Variants in GEMIN4 observed in about 807,000 individuals in gnomAD.
GEMIN4 encodes gem nuclear organelle associated protein 4, also known as gem-associated protein 4.
A neutral mutation model predicts 76.8 loss-of-function variants in GEMIN4; 59 were observed. The ratio of observed to expected loss-of-function variants is 0.77; its 90% confidence interval spans 0.62 to 0.95. The LOEUF (loss-of-function observed/expected upper bound fraction) is 0.95, where lower values mean the gene tolerates loss of function less well. Ranked by LOEUF, GEMIN4 falls within the 40% of genes least tolerant of loss-of-function variation. The pLI is 0.00. For synonymous variants in GEMIN4, 562 were observed against 559.7 expected (o/e 1.00, Z -0.06); for missense variants, 1,311 against 1,318.9 (o/e 0.99, Z 0.09).
intron 1 of GEMIN4, 162 bp downstream of exon 1, chr17:751,971 C>A (rs1373023094): frequency 6.7e-6 from 3 of 445,560 alleles, no homozygotes; most frequent in Non-Finnish European, 1.1e-5. Flanking sequence ...GGACCACCCC[C>A]CGCCAAGGCC....
At chr17:752,060 A>C in intron 1 of GEMIN4, 73 bp downstream of exon 1, 1 of 1,036,382 alleles carries the variant, frequency 9.6e-7, no homozygotes, top group South Asian at 4.9e-5. Flanking sequence ...ACAGGAGGAG[A>C]CGCGACGGGG....
chr17:747,815 C>G lies in GEMIN4; in HGVS notation c.228G>C (p.Lys76Asn), dbSNP rs746898886. The G allele has an allele frequency of 6.2e-7, 1 of 1,613,502 alleles. No homozygotes were observed. Among genetic ancestry groups the G allele is most frequent in the South Asian group, 1.1e-5 (1 of 91,046 alleles). Residue 76 changes from lysine (K) to asparagine (N), a missense_variant, in exon 2 of 2, where the codon AAG becomes AAC. Transcript: ENST00000319004. ...KKKALIIIWA[K>N]VLQPHPVTPS... ...GGGTCACGGGGTGCGGCTGCAGAAC[C>G]TTGGCCCAGATGATGATCAGGGCTT... is the stretch of plus-strand genomic sequence containing the variant.
At position 745,714 on chromosome 17, in the gene GEMIN4, A is replaced by G; in HGVS notation, c.2329T>C (p.Phe777Leu). 6.2e-7 allele frequency: 1 copy of G among 1,604,740 alleles called. No individual in the cohort carries two copies. Reference sequence around the variant, plus strand: ...TCACACTTGAAGTGCCCCTCGAAGAAGCTCTTCAGCCTCAGGCCCACAGTC... The same window carrying G: ...TCACACTTGAAGTGCCCCTCGAAGAGGCTCTTCAGCCTCAGGCCCACAGTC... Reference protein sequence around the residue: ...DWTVGLRLKSFFEGHFKCEVP... With the variant: ...DWTVGLRLKSLFEGHFKCEVP... Residue 777 changes from phenylalanine (F) to leucine (L), a missense_variant, in exon 2 of 2, where the codon TTC becomes CTC. Around this residue, in one of 2 missense-constraint regions of GEMIN4, gnomAD observed 1,208 missense variants for 1,166.9 expected, o/e 1.04. Transcript: ENST00000319004. This position sits in a 1 kb window ranked among gnomAD's most constrained non-coding sequence, Gnocchi z 4.6.
Position 747,522 on chromosome 17 carries a change from G to T in GEMIN4, c.521C>A (p.Pro174Gln), listed in dbSNP as rs368043090. ...AAACTGGGAGAGCAGGGGGTCCTGC[G>T]GGTGACCCTTGTGCTTCATCACCTC... is the stretch of plus-strand genomic sequence containing the variant. ...WWEVMKHKGHPQDPLLSQFSA... is the reference protein window; with the variant it reads ...WWEVMKHKGHQQDPLLSQFSA... Residue 174 changes from proline (P) to glutamine (Q), a missense_variant, in exon 2 of 2, where the codon CCG becomes CAG. By Grantham distance (76) the Pro-to-Gln change is moderately conservative. Transcript: ENST00000319004. 2 of 1,613,762 alleles carry T rather than the reference G, an allele frequency of 1.2e-6. No individual in the cohort carries two copies.
At chr17:750,213 G>A (rs1904595173) in intron 1 of GEMIN4, among the ~76,000 whole-genome samples, 1 of 152,012 alleles carries the variant, frequency 6.6e-6, no homozygotes, top group Admixed American at 6.6e-5. Flanking sequence ...AAAAAGGGAT[G>A]TGATCTTGGT....
intron 1 of GEMIN4, 81 bp downstream of exon 1, chr17:752,052 A>T (rs1904743184): frequency 1.0e-6 from 1 of 959,092 alleles, no homozygotes; most frequent in Non-Finnish European, 1.4e-6. Flanking sequence ...CGTGCGCGAC[A>T]GGAGGAGACG....
rs1226779163 is a variant in GEMIN4, at chr17:747,273, G to A, written c.770C>T (p.Pro257Leu). The A allele has an allele frequency of 6.2e-7, 1 of 1,613,786 alleles. No individual in the cohort carries two copies. Among genetic ancestry groups the A allele is most frequent in the Non-Finnish European group, 8.5e-7 (1 of 1,179,870 alleles). The change falls in exon 2 of 2, where the codon CCC becomes CTC. Residue 257 changes from proline (P) to leucine (L), a missense_variant. Coordinates refer to ENST00000319004, the MANE Select transcript of GEMIN4 (RefSeq NM_015721.3). Reference protein sequence around the residue: ...LTVFALTEDDPQEVSATVYLD... With the variant: ...LTVFALTEDDLQEVSATVYLD... ...ATACACGGTTGCAGACACCTCCTGG[G>A]GGTCGTCCTCTGTCAGCGCAAACAC...
rs151264305 is a variant in GEMIN4, at chr17:747,581, G to C, written c.462C>G (p.Ala154=). The change falls in exon 2 of 2, where the codon GCC becomes GCG. Residue 154 remains alanine (A), a synonymous_variant. Transcript: ENST00000319004. ...FLEHVTVDTS[A]EDVAFFLDVW... ...CGTCCAGGAAGAAGGCCACGTCTTC[G>C]GCAGAAGTGTCAACGGTCACATGTT... 1.2e-6 allele frequency: 2 copies of C among 1,613,742 alleles called. No homozygotes were observed. The highest frequency in any genetic ancestry group is 1.3e-5 in the African/African-American group (1 of 74,882).
chr17:749,069 G>A (rs1904479400), intron 1 of GEMIN4: 1 of 63,782 alleles, frequency 1.6e-5, no homozygotes, highest in Non-Finnish European at 2.8e-5. Flanking sequence ...AATGGGCACA[G>A]AGCAATCACA....
rs1597552145 is a variant in GEMIN4 at position 745,631 on chromosome 17, C to T, written c.2412G>A (p.Gln804=). 6.2e-7 allele frequency: 1 copy of T among 1,603,542 alleles called. No individual in the cohort carries two copies. The highest frequency in any genetic ancestry group is 2.3e-5 in the East Asian group (1 of 44,386). The change falls in exon 2 of 2, where the codon CAG becomes CAA. Residue 804 remains glutamine, a synonymous_variant. Transcript: ENST00000319004. This position sits in a 1 kb window ranked among gnomAD's most constrained non-coding sequence, Gnocchi z 4.6. ...CKLSEDEWTS[Q]AHPGYGAGTG... ...TGCCAGCCCCGTACCCTGGGTGGGC[C>T]TGGGAGGTCCACTCGTCTTCTGAAA...
Position 746,855 on chromosome 17 carries a change from G to C in GEMIN4, c.1188C>G (p.Asn396Lys). The C allele has an allele frequency of 6.2e-7, 1 of 1,613,666 alleles. No homozygotes were observed. The highest frequency in any genetic ancestry group is 8.5e-7 in the Non-Finnish European group (1 of 1,179,648). ...AAGCTGTGATATCCTCCAAGGCCCTGTTCTTCAGCACCGTGCTCGTTTTCC... is the reference window on the plus strand; with the variant it reads ...AAGCTGTGATATCCTCCAAGGCCCTCTTCTTCAGCACCGTGCTCGTTTTCC... ...FLRKTSTVLKNRALEDITASI... is the reference protein window; with the variant it reads ...FLRKTSTVLKKRALEDITASI... Residue 396 changes from asparagine to lysine, a missense_variant, in exon 2 of 2, where the codon AAC becomes AAG. Asn to Lys is a moderately conservative substitution (Grantham distance 94, BLOSUM62 0). Around this residue, in one of 2 missense-constraint regions of GEMIN4, gnomAD observed 1,208 missense variants for 1,166.9 expected, o/e 1.04. Transcript: ENST00000319004. This position sits in a 1 kb window ranked among gnomAD's most constrained non-coding sequence, Gnocchi z 4.3.
At position 750,869 on chromosome 17, in the gene GEMIN4, C is replaced by G. The variant is rs139490736; in HGVS notation, c.10+1264G>C. 3.3e-4 allele frequency among the ~76,000 whole-genome samples: 51 copies of G among 152,296 alleles called. 2 individuals carry two copies. In the East Asian group the frequency reaches 6.2e-3, roughly 18 times the overall value. ...AGACCGACTCCCAGGGAGGGTTACG[C>G]TGCGAAGGGGACCTCCCTGGGGGTT... On this transcript the variant is annotated intron_variant, in intron 1 of 1. Transcript: ENST00000319004.
chr17:744,614 A>G lies in GEMIN4; in HGVS notation c.*252T>C, dbSNP rs553218664. On this transcript the variant is annotated 3_prime_UTR_variant, in exon 2 of 2. Coordinates refer to ENST00000319004, the MANE Select transcript of GEMIN4 (RefSeq NM_015721.3). ...TTGCTGAGGCCGACTTAGAAGAGAC[A>G]AAGTGAGATGCGAAAGAGGAGAATT... 2.0e-4 allele frequency: 81 copies of G among 415,162 alleles called. No homozygotes were observed. The South Asian group carries it at 3.2e-3, about 17-fold the overall frequency. 25.7% of individuals were successfully genotyped at this position (415,162 alleles called of 1,614,324 possible).
rs1222998604 is a variant in GEMIN4, at chr17:752,262, G to A, written c.-120C>T. On this transcript the variant is annotated 5_prime_UTR_variant, in exon 1 of 2. Coordinates refer to ENST00000319004, the MANE Select transcript of GEMIN4 (RefSeq NM_015721.3). ...AGCCACGGCGGCCGCGCTTAGGCCT[G>A]CTCACAACCTCCGCCCGGCCCCGCC... The A allele has an allele frequency of 2.4e-6, 3 of 1,226,866 alleles. No individual in the cohort carries two copies. Among genetic ancestry groups the A allele is most frequent in the African/African-American group, 3.1e-5 (2 of 64,164 alleles). The allele number at this position is 1,226,866 out of a possible 1,614,324, so 76.0% of individuals were successfully genotyped here.
chr17:747,272 G>A lies in GEMIN4; in HGVS notation c.771C>T (p.Pro257=), dbSNP rs1309426473. The stretch of plus-strand genomic sequence containing the variant: ...GATACACGGTTGCAGACACCTCCTG[G>A]GGGTCGTCCTCTGTCAGCGCAAACA... ...LTVFALTEDD[P]QEVSATVYLD... Residue 257 remains proline, a synonymous_variant, in exon 2 of 2, where the codon CCC becomes CCT. Transcript: ENST00000319004. 14 of 1,613,742 alleles carry A rather than the reference G, an allele frequency of 8.7e-6. No homozygotes were observed. The highest frequency in any genetic ancestry group is 1.1e-5 in the Non-Finnish European group (13 of 1,179,850).
At chr17:753,464 C>T (rs1904860210), upstream of GEMIN4, 1 of 165,188 alleles carries the variant, frequency 6.1e-6, no homozygotes, top group South Asian at 1.1e-4. Flanking sequence ...TGAGGGGCTA[C>T]GCGGCCAGAG....
chr17:753,738 G>A, upstream of GEMIN4: 1 of 152,344 alleles, frequency 6.6e-6, no homozygotes, highest in East Asian at 1.9e-4. Context: ...GCGTATGTAG[G>A]TATTTGGAAG....
Position 745,416 on chromosome 17 carries a change from G to C in GEMIN4, c.2627C>G (p.Thr876Ser). 6.2e-7 allele frequency: 1 copy of C among 1,613,046 alleles called. No homozygotes were observed. Among genetic ancestry groups the C allele is most frequent in the Non-Finnish European group, 8.5e-7 (1 of 1,179,852 alleles). ...GAGCTGCTTCTCCAGCAGTCTCCTG[G>C]TCAGCTGGTGAAGGCGCTGCCACTC... The part of the protein sequence containing the change: ...PQEWQRLHQL[T>S]RRLLEKQLLH... The change falls in exon 2 of 2, where the codon ACC (threonine) becomes AGC (serine). Residue 876 changes from threonine (T) to serine (S), a missense_variant. By Grantham distance (58) the Thr-to-Ser change is moderately conservative. Transcript: ENST00000319004. The surrounding 1 kb of genome is among the most constrained non-coding windows in gnomAD (Gnocchi z 4.6).
chr17:748,864 G>T (rs909793207), intron 1 of GEMIN4: 2 of 194,904 alleles, frequency 1.0e-5, no homozygotes, highest in South Asian at 6.7e-5. Flanking sequence ...AGGGTAATGG[G>T]CACAGAAGCA....
Sources: allele counts gnomAD v4.1 joint callset (sites outside exome capture counted in the v4.1 genomes callset), GRCh38; gene constraint gnomAD v4.1.1; regional missense constraint gnomAD v4.1.1; non-coding constraint Gnocchi (gnomAD v3.1); transcripts MANE v1.5; gene names NCBI Gene and HGNC (gene_info 2026-07-23, HGNC 2026-07-21).